The following SHISA6 variants were observed in gnomAD, a reference collection of about 807,000 sequenced individuals.
SHISA6 encodes protein shisa-6.
In SHISA6, 22 loss-of-function variants were observed where a neutral mutation model predicts 47.9. The observed-to-expected ratio is 0.46, with a 90% confidence interval of 0.33 to 0.66. The LOEUF (loss-of-function observed/expected upper bound fraction) is 0.66. Ranked by LOEUF, SHISA6 falls within the 30% of genes least tolerant of loss-of-function variation. The pLI is 0.02. For synonymous variants in SHISA6, 388 were observed against 337.8 expected (o/e 1.15, Z -1.63); for missense variants, 680 against 764.6 (o/e 0.89, Z 1.30).
intron 2 of SHISA6, among the ~76,000 whole-genome samples, chr17:11,352,277 A>C (rs1211387863): frequency 6.6e-6 from 1 of 152,070 alleles, no homozygotes; most frequent in Non-Finnish European, 1.5e-5. Context: ...AAATGGAGAT[A>C]GTGTTCATAT....
At chr17:11,459,388 T>C (rs1311762920) in intron 3 of SHISA6, among the ~76,000 whole-genome samples, 2 of 152,182 alleles carry the variant, frequency 1.3e-5, no homozygotes, top group Non-Finnish European at 2.9e-5. Flanking sequence ...GAGTCTGCCC[T>C]GGATAATAAG....
chr17:11,438,513 C>T (rs957743122), intron 3 of SHISA6, among the ~76,000 whole-genome samples: 11 of 152,180 alleles, frequency 7.2e-5, no homozygotes, highest in Non-Finnish European at 1.3e-4. Flanking sequence ...TTGCTATGTG[C>T]TCCCCTGGAC....
Position 11,558,157 on chromosome 17 carries a change from T to C in SHISA6, c.1509T>C (p.Asn503=). Residue 503 remains asparagine (N), a synonymous_variant, in exon 6 of 6, where the codon AAT becomes AAC. Transcript: ENST00000441885. ...TGCACTCTCATCCCAGTGCCTCCAATAACTCATACGCCACCCTGGGCCAGA... is the reference window on the plus strand; with the variant it reads ...TGCACTCTCATCCCAGTGCCTCCAACAACTCATACGCCACCCTGGGCCAGA... ...SKMHSHPSAS[N]NSYATLGQSQ... 2 of 1,549,742 alleles carry C rather than the reference T, an allele frequency of 1.3e-6. No homozygotes were observed. The highest frequency in any genetic ancestry group is 1.7e-6 in the Non-Finnish European group (2 of 1,146,996).
At chr17:11,481,469 GA>G (rs928088016) in intron 3 of SHISA6, among the ~76,000 whole-genome samples, 25 of 148,306 alleles carry the variant, frequency 1.7e-4, no homozygotes, top group African/African-American at 6.2e-4. Context: ...TATGAAAAAT[GA>G]AATAATAAAA....
intron 2 of SHISA6, among the ~76,000 whole-genome samples, chr17:11,350,088 T>C (rs1163058715): frequency 6.6e-6 from 1 of 151,724 alleles, no homozygotes; most frequent in Non-Finnish European, 1.5e-5. Context: ...GCCTCCCAGG[T>C]TCAAGTGATT....
At chr17:11,471,707 G>A (rs566930074) in intron 3 of SHISA6, among the ~76,000 whole-genome samples, 1 of 152,282 alleles carries the variant, frequency 6.6e-6, no homozygotes, top group South Asian at 2.1e-4. Flanking sequence ...TAGGGACCGT[G>A]GAGTCTACTT....
intron 2 of SHISA6, among the ~76,000 whole-genome samples, chr17:11,327,947 G>C (rs12942110): frequency 6.6e-6 from 1 of 150,576 alleles, no homozygotes; most frequent in African/African-American, 2.4e-5. Flanking sequence ...CTGTCTCTCT[G>C]TCTCTCTCTC....
chr17:11,391,934 A>G (rs548287908), intron 3 of SHISA6, among the ~76,000 whole-genome samples: 9 of 152,278 alleles, frequency 5.9e-5, no homozygotes, highest in African/African-American at 2.2e-4. Flanking sequence ...TGGACCATTC[A>G]TATCCTTGTT....
At chr17:11,360,810 A>AG (rs1331637346) in intron 2 of SHISA6, among the ~76,000 whole-genome samples, 2 of 151,552 alleles carry the variant, frequency 1.3e-5, no homozygotes, top group Admixed American at 6.6e-5. Flanking sequence ...AAAAAAAAAA[A>AG]AAAGAATCTC....
chr17:11,435,819 G>A (rs558421243), intron 3 of SHISA6, among the ~76,000 whole-genome samples: 2 of 152,208 alleles, frequency 1.3e-5, no homozygotes, highest in African/African-American at 4.8e-5. Flanking sequence ...TGGTGTTAAG[G>A]TGCCTCCATG....
At chr17:11,424,922 G>C (rs984426085) in intron 3 of SHISA6, among the ~76,000 whole-genome samples, 1 of 147,260 alleles carries the variant, frequency 6.8e-6, no homozygotes, top group Non-Finnish European at 1.5e-5. Context: ...CAGGAGAATG[G>C]CATGAACCCA....
intron 3 of SHISA6, among the ~76,000 whole-genome samples, chr17:11,427,719 G>A (rs112026562): frequency 5.9e-5 from 9 of 152,110 alleles, no homozygotes; most frequent in South Asian, 4.2e-4. Flanking sequence ...CTTGCTTCCC[G>A]CAAAAGGTGA....
At chr17:11,300,933 G>A (rs956605044) in intron 2 of SHISA6, among the ~76,000 whole-genome samples, 5 of 151,416 alleles carry the variant, frequency 3.3e-5, no homozygotes, top group Non-Finnish European at 5.9e-5. Flanking sequence ...TGTATGGGGT[G>A]GGGGGAGAGA....
At chr17:11,548,951 A>G (rs570763182) in intron 3 of SHISA6, among the ~76,000 whole-genome samples, 3 of 152,312 alleles carry the variant, frequency 2.0e-5, no homozygotes, top group East Asian at 3.9e-4. Flanking sequence ...CAAAAACTAG[A>G]TATTTTTATC....
chr17:11,521,674 G>A (rs977522523), intron 3 of SHISA6, among the ~76,000 whole-genome samples: 2 of 152,028 alleles, frequency 1.3e-5, no homozygotes, highest in Admixed American at 6.6e-5. Context: ...AGAATGGCAC[G>A]CACCTGTAGT....
intron 3 of SHISA6, among the ~76,000 whole-genome samples, chr17:11,535,617 T>C (rs2071779902): frequency 6.6e-6 from 1 of 152,242 alleles, no homozygotes; most frequent in Non-Finnish European, 1.5e-5. Context: ...CTAGAAACCC[T>C]GTCCAGCTCA....
At chr17:11,551,844 A>G (rs2071934387) in intron 3 of SHISA6, 52 bp from the exon 4 acceptor site, 5 of 1,432,110 alleles carry the variant, frequency 3.5e-6, no homozygotes, top group Admixed American at 2.0e-5. Context: ...TGTTGGAGAG[A>G]TAGTGGAATG....
intron 2 of SHISA6, among the ~76,000 whole-genome samples, chr17:11,293,988 C>T (rs1567563428): frequency 6.6e-6 from 1 of 152,104 alleles, no homozygotes; most frequent in Admixed American, 6.5e-5. Flanking sequence ...TGGGTTCAAG[C>T]GATTCTCCTG....
chr17:11,430,509 G>C (rs1004140111), intron 3 of SHISA6, among the ~76,000 whole-genome samples: 1 of 152,162 alleles, frequency 6.6e-6, no homozygotes, highest in African/African-American at 2.4e-5. Flanking sequence ...TTGGAGTCAT[G>C]GGGGGTTTGG....
Sources: allele counts gnomAD v4.1 joint callset (sites outside exome capture counted in the v4.1 genomes callset), GRCh38; gene constraint gnomAD v4.1.1; transcripts MANE v1.5; gene names NCBI Gene and HGNC (gene_info 2026-07-23, HGNC 2026-07-21).